Variants in C8orf74 observed in about 807,000 individuals in gnomAD.
C8orf74 encodes the protein uncharacterized protein C8orf74.
Under a neutral mutation model 22.2 loss-of-function variants are expected in C8orf74, and 29 were observed. That is an observed-to-expected ratio of 1.31 (90% CI 0.97 to 1.78). The LOEUF (loss-of-function observed/expected upper bound fraction) is 1.78. Among genes scored for constraint, C8orf74 ranks in the 40% most tolerant of loss-of-function variants. The pLI, the probability that C8orf74 is intolerant of heterozygous loss-of-function variation, is 0.00. For missense variants in C8orf74, 515 were observed against 369.9 expected, an observed-to-expected ratio of 1.39 and a Z score of -3.22; for synonymous variants, 255 against 163.1, an observed-to-expected ratio of 1.56 and a Z score of -4.30.
At chr8:10,679,004 G>A (rs1799091897) in intron 2 of C8orf74, among the ~76,000 whole-genome samples, 1 of 152,158 alleles carries the variant, frequency 6.6e-6, no homozygotes, top group Admixed American at 6.5e-5. Flanking sequence ...CTCCTTCCCG[G>A]GTTCTCCTCA....
chr8:10,678,581 A>G lies in C8orf74; in HGVS notation c.241+3743A>G, dbSNP rs1192128282. 3.4e-5 allele frequency among the ~76,000 whole-genome samples: 5 copies of G among 146,192 alleles called. No homozygotes were observed. The Admixed American group carries it at 3.5e-4, about 10-fold the overall frequency. On this transcript the variant is annotated intron_variant, in intron 2 of 3. Transcript: ENST00000304519. Reference sequence around the variant, plus strand: ...ATGGGGCAGGACCAGAGGCAGGACCAGGAAGTAATTTAAAAAAAAAAAAAA... The same window carrying G: ...ATGGGGCAGGACCAGAGGCAGGACCGGGAAGTAATTTAAAAAAAAAAAAAA...
rs568391317 is a variant in C8orf74 at position 10,689,363 on chromosome 8, G to C, written c.242-8236G>C. 2.0e-5 allele frequency: 3 copies of C among 152,338 alleles called. No homozygotes were observed. The South Asian group carries it at 6.2e-4, about 32-fold the overall frequency. 9.4% of individuals were successfully genotyped at this position (152,338 alleles called of 1,614,324 possible). A position where few individuals can be genotyped will look rare whatever the true frequency, so the allele number is the denominator to read the frequency against. On this transcript the variant is annotated intron_variant, in intron 2 of 3. Transcript: ENST00000304519. ...AGAGAGATGTGCTCCTTGGTCCAGAGAGACTACTTGCCCCAAATAGATTTG... is the reference window on the plus strand; with the variant it reads ...AGAGAGATGTGCTCCTTGGTCCAGACAGACTACTTGCCCCAAATAGATTTG...
At chr8:10,690,528 T>C (rs1799354901) in intron 2 of C8orf74, among the ~76,000 whole-genome samples, 3 of 152,088 alleles carry the variant, frequency 2.0e-5, no homozygotes, top group Non-Finnish European at 4.4e-5. Flanking sequence ...TTGGGAAAGG[T>C]GAGCAGTGCC....
chr8:10,700,531 G>A lies in C8orf74; in HGVS notation c.*60G>A, dbSNP rs1799635613. The stretch of plus-strand genomic sequence containing the variant: ...CCAGCCACCCATAACCATGAGCCTT[G>A]CGGCACGGTGAGCTCAGCACCCACA... On this transcript the variant is annotated 3_prime_UTR_variant, in exon 4 of 4. Coordinates refer to ENST00000304519, the MANE Select transcript of C8orf74 (RefSeq NM_001040032.2). The A allele has an allele frequency of 1.2e-5, 13 of 1,090,608 alleles. No homozygotes were observed. The South Asian group carries it at 2.0e-4, about 17-fold the overall frequency. 67.6% of individuals were successfully genotyped at this position (1,090,608 alleles called of 1,614,324 possible).
In C8orf74 at chr8:10,679,460, C is replaced by T. The variant is rs149753092; in HGVS notation, c.241+4622C>T. Among the ~76,000 whole-genome samples, 764 of 152,316 alleles carry T rather than the reference C, an allele frequency of 5.0e-3. 12 individuals carry two copies. Among genetic ancestry groups the T allele is most frequent in the African/African-American group, 0.018 (732 of 41,570 alleles). ...AGTTCTGCCCAACCCCAGCCCTAAC[C>T]TTGATCTTCTCTGGTGTCATCCAAG... On this transcript the variant is annotated intron_variant, in intron 2 of 3. Transcript: ENST00000304519.
At chr8:10,682,405 T>C (rs372131037) in intron 2 of C8orf74, among the ~76,000 whole-genome samples, 39 of 152,170 alleles carry the variant, frequency 2.6e-4, no homozygotes, top group African/African-American at 8.0e-4. Flanking sequence ...TATTTCCTCA[T>C]AGTTCTGGAG....
At chr8:10,698,880 T>C (rs1217474151) in intron 3 of C8orf74, among the ~76,000 whole-genome samples, 1 of 147,394 alleles carries the variant, frequency 6.8e-6, no homozygotes, top group African/African-American at 2.5e-5. Flanking sequence ...TGGGAAGTAT[T>C]CCTTTAGGGT....
At chr8:10,695,125 G>C (rs188902987) in intron 2 of C8orf74, among the ~76,000 whole-genome samples, 1 of 152,070 alleles carries the variant, frequency 6.6e-6, no homozygotes, top group Non-Finnish European at 1.5e-5. Context: ...GATTTTTTTT[G>C]CAAAGGTAGA....
intron 2 of C8orf74, chr8:10,693,119 T>C (rs1220628463): frequency 1.3e-5 from 2 of 152,458 alleles, no homozygotes; most frequent in Non-Finnish European, 2.9e-5. Flanking sequence ...CCCAGCCTCA[T>C]CTCCAGCCAG....
At position 10,680,189 on chromosome 8, in the gene C8orf74, T is replaced by C. The variant is rs1165968075; in HGVS notation, c.241+5351T>C. On this transcript the variant is annotated intron_variant, in intron 2 of 3. Transcript: ENST00000304519. Reference sequence around the variant, plus strand: ...CCTTCCACACTGCAAGCACCGCCAATGTGAGAGGCAGCAAACAGCAAACTC... The same window carrying C: ...CCTTCCACACTGCAAGCACCGCCAACGTGAGAGGCAGCAAACAGCAAACTC... 3.3e-5 allele frequency among the ~76,000 whole-genome samples: 5 copies of C among 152,204 alleles called. No homozygotes were observed. The East Asian group carries it at 9.6e-4, about 29-fold the overall frequency.
intron 2 of C8orf74, among the ~76,000 whole-genome samples, chr8:10,678,526 C>T (rs980149284): frequency 2.0e-4 from 30 of 151,832 alleles, no homozygotes; most frequent in African/African-American, 7.0e-4. Context: ...TCAGCCCCTG[C>T]ACTGCCCCAG....
chr8:10,698,110 G>T, intron 3 of C8orf74, 105 bp downstream of exon 3: 1 of 1,166,336 alleles, frequency 8.6e-7, no homozygotes, highest in Non-Finnish European at 1.2e-6. Flanking sequence ...ACACAGGGGA[G>T]GGGGAGAGAT....
intron 2 of C8orf74, among the ~76,000 whole-genome samples, chr8:10,675,257 G>A (rs919038749): frequency 1.3e-5 from 2 of 152,212 alleles, no homozygotes; most frequent in Non-Finnish European, 2.9e-5. Context: ...GCTTGCTCAC[G>A]CAAAGATGGG....
At chr8:10,673,621 T>G (rs995729610) in intron 1 of C8orf74, 1 of 153,944 alleles carries the variant, frequency 6.5e-6, no homozygotes, top group African/African-American at 2.4e-5. Flanking sequence ...ACCTGAGGCC[T>G]GCTGGAGGTA....
intron 2 of C8orf74, among the ~76,000 whole-genome samples, chr8:10,696,436 C>CTTTTTTTT (rs1799501441): frequency 7.6e-6 from 1 of 130,786 alleles, no homozygotes; most frequent in African/African-American, 3.3e-5. Context: ...CTTTTCTTTT[C>CTTTTTTTT]TTTTCTTTTT....
intron 2 of C8orf74, among the ~76,000 whole-genome samples, chr8:10,695,749 G>A (rs970428543): frequency 1.3e-5 from 2 of 152,172 alleles, no homozygotes; most frequent in African/African-American, 4.8e-5. Flanking sequence ...TGGGGAAACC[G>A]CATAGGGCCC....
At chr8:10,686,741 G>C (rs1224010398) in intron 2 of C8orf74, 1 of 159,864 alleles carries the variant, frequency 6.3e-6, no homozygotes, top group African/African-American at 2.4e-5. Context: ...GATTTGGGAA[G>C]TCTGGCCCAT....
intron 2 of C8orf74, chr8:10,687,349 T>A (rs367905142): frequency 2.4e-4 from 74 of 306,866 alleles, no homozygotes; most frequent in African/African-American, 1.6e-3. Flanking sequence ...TCTTGCATAA[T>A]AGAAATAGAT....
At position 10,691,141 on chromosome 8, in the gene C8orf74, A is replaced by C. The variant is rs184019999; in HGVS notation, c.242-6458A>C. 1.7e-5 allele frequency: 6 copies of C among 354,450 alleles called. No individual in the cohort carries two copies. In the Admixed American group the frequency reaches 2.2e-4, roughly 13 times the overall value. The allele number at this position is 354,450 out of a possible 1,614,324, so 22.0% of individuals were successfully genotyped here. A position where few individuals can be genotyped will look rare whatever the true frequency, so the allele number is the denominator to read the frequency against. ...TTGCTGAAACCCAGAACCAGCCAAG[A>C]GTGTCTGGGGGCCGAAAGTTAGAAT... On this transcript the variant is annotated intron_variant, in intron 2 of 3. Coordinates refer to ENST00000304519, the MANE Select transcript of C8orf74 (RefSeq NM_001040032.2).
Sources: allele counts gnomAD v4.1 joint callset (sites outside exome capture counted in the v4.1 genomes callset), GRCh38; gene constraint gnomAD v4.1.1; transcripts MANE v1.5; gene names NCBI Gene and HGNC (gene_info 2026-07-23, HGNC 2026-07-21).